MAD2L1BP: variants seen among roughly 807,000 people sequenced by gnomAD.
MAD2L1BP encodes the protein MAD2L1 binding protein.
In MAD2L1BP, 22 loss-of-function variants were observed where a neutral mutation model predicts 28.4. The ratio of observed to expected loss-of-function variants is 0.77; its 90% CI spans 0.55 to 1.10. The LOEUF (loss-of-function observed/expected upper bound fraction) is 1.10. MAD2L1BP is among the 50% of genes least tolerant of loss of function. The pLI, the probability that MAD2L1BP is intolerant of heterozygous loss-of-function variation, is 0.00. For missense variants in MAD2L1BP, 325 were observed against 350.5 expected (o/e 0.93, Z 0.58); for synonymous variants, 146 against 133.7 (o/e 1.09, Z -0.63).
At chr6:43,632,784 G>C (rs1240350353), upstream of MAD2L1BP, among the ~76,000 whole-genome samples, 1 of 151,580 alleles carries the variant, frequency 6.6e-6, no homozygotes, top group African/African-American at 2.4e-5. Context: ...ACTTTGGGAG[G>C]CTGAGGCAGG....
intron 2 of MAD2L1BP, among the ~76,000 whole-genome samples, chr6:43,637,493 G>A (rs113965832): frequency 0.015 from 2,172 of 140,366 alleles, 47 homozygotes; most frequent in African/African-American, 0.052. Context: ...TGGCATGATC[G>A]CAGCTCACTG....
At chr6:43,636,065 T>G in intron 1 of MAD2L1BP, 144 bp downstream of exon 1, 1 of 870,276 alleles carries the variant, frequency 1.1e-6, no homozygotes, top group Admixed American at 2.8e-5. Flanking sequence ...TGGCTGTGAC[T>G]CCATCGCCCT....
At chr6:43,639,605 T>C (rs1770455194) in intron 2 of MAD2L1BP, among the ~76,000 whole-genome samples, 5 of 152,216 alleles carry the variant, frequency 3.3e-5, no homozygotes, top group African/African-American at 9.7e-5. Flanking sequence ...CAGGTGGAAG[T>C]GCAAATAAGC....
upstream of MAD2L1BP, chr6:43,633,259 GC>G (rs1327983322): frequency 5.1e-6 from 2 of 394,636 alleles, no homozygotes; most frequent in Non-Finnish European, 9.8e-6. Flanking sequence ...CACAACTTCC[GC>G]CTCCCAGGTT....
At chr6:43,632,145 C>G (rs1769959249), upstream of MAD2L1BP, among the ~76,000 whole-genome samples, 1 of 151,562 alleles carries the variant, frequency 6.6e-6, no homozygotes, top group South Asian at 2.1e-4. Flanking sequence ...GTTGATCCGC[C>G]TGCCTTGGCC....
At chr6:43,637,185 C>G (rs758286382) in intron 2 of MAD2L1BP, among the ~76,000 whole-genome samples, 7 of 152,180 alleles carry the variant, frequency 4.6e-5, no homozygotes, top group Non-Finnish European at 1.0e-4. Context: ...ATGCCTCAGC[C>G]TCCCCAGTAG....
upstream of MAD2L1BP, chr6:43,633,264 C>T (rs748964040): frequency 1.7e-5 from 7 of 408,160 alleles, no homozygotes; most frequent in Non-Finnish European, 2.4e-5. Context: ...CTTCCGCCTC[C>T]CAGGTTCAAG....
At chr6:43,638,016 A>T (rs1770343316) in intron 2 of MAD2L1BP, among the ~76,000 whole-genome samples, 1 of 152,158 alleles carries the variant, frequency 6.6e-6, no homozygotes, top group Admixed American at 6.5e-5. Context: ...CTCCTGCCTC[A>T]GCCTCGAAGT....
In MAD2L1BP at chr6:43,640,319, A is replaced by C. The variant is rs1321806671; in HGVS notation, c.611A>C (p.Gln204Pro). ...ATGGCTGATGCCTTTAGCGAGCTTC[A>C]GGCTCCTCCACTCATGGGCACCGTC... ...IFMADAFSELQAPPLMGTVVM... is the reference protein window; with the variant it reads ...IFMADAFSELPAPPLMGTVVM... Residue 204 changes from glutamine to proline, a missense_variant, in exon 3 of 3, where the codon CAG becomes CCG. Gln to Pro is a moderately conservative substitution (Grantham distance 76, BLOSUM62 -1). Coordinates refer to ENST00000372171, the MANE Select transcript of MAD2L1BP (RefSeq NM_014628.3). 1.9e-6 allele frequency: 3 copies of C among 1,613,398 alleles called. No individual in the cohort carries two copies. Among genetic ancestry groups the C allele is most frequent in the Non-Finnish European group, 2.5e-6 (3 of 1,179,712 alleles).
In MAD2L1BP at chr6:43,640,615, C is replaced by A; in HGVS notation, c.*82C>A. The A allele has an allele frequency of 2.1e-6, 3 of 1,440,110 alleles. No homozygotes were observed. The highest frequency in any genetic ancestry group is 2.8e-6 in the Non-Finnish European group (3 of 1,080,772). The allele number at this position is 1,440,110 out of a possible 1,614,324, so 89.2% of individuals were successfully genotyped here. A position where few individuals can be genotyped will look rare whatever the true frequency, so the allele number is the denominator to read the frequency against. On this transcript the variant is annotated 3_prime_UTR_variant, in exon 3 of 3. Coordinates refer to ENST00000372171, the MANE Select transcript of MAD2L1BP (RefSeq NM_014628.3). Reference sequence around the variant, plus strand: ...GCTGAATCACCCATCTGGTTTGGAGCTAGAGTTGCTTCCTGGTGAGAGAGG... The same window carrying A: ...GCTGAATCACCCATCTGGTTTGGAGATAGAGTTGCTTCCTGGTGAGAGAGG...
intron 2 of MAD2L1BP, among the ~76,000 whole-genome samples, chr6:43,637,595 TTTTG>T (rs1232270174): frequency 9.3e-5 from 14 of 151,314 alleles, no homozygotes; most frequent in East Asian, 5.9e-4. Flanking sequence ...CCAGCTAATT[TTTTG>T]TTTGTTTGTT....
rs1322781871 is a variant in MAD2L1BP, at chr6:43,640,338, C to A, written c.630C>A (p.Gly210=). 7 of 1,613,762 alleles carry A rather than the reference C, an allele frequency of 4.3e-6. No individual in the cohort carries two copies. Among genetic ancestry groups the A allele is most frequent in the Non-Finnish European group, 5.9e-6 (7 of 1,179,864 alleles). Residue 210 remains glycine (G), a synonymous_variant, in exon 3 of 3, where the codon GGC becomes GGA. Transcript: ENST00000372171. The part of the protein sequence containing the change: ...FSELQAPPLM[G]TVVMAQGHRN... ...AGCTTCAGGCTCCTCCACTCATGGGCACCGTCGTCATGGCACAGGGACACC... is the reference window on the plus strand; with the variant it reads ...AGCTTCAGGCTCCTCCACTCATGGGAACCGTCGTCATGGCACAGGGACACC...
upstream of MAD2L1BP, chr6:43,635,817 C>G: frequency 2.1e-6 from 3 of 1,429,648 alleles, no homozygotes; most frequent in Non-Finnish European, 1.8e-6. Context: ...CGCGGGCTTC[C>G]CATGATGCCC....
At chr6:43,634,617 G>A (rs1770099954), upstream of MAD2L1BP, among the ~76,000 whole-genome samples, 1 of 151,914 alleles carries the variant, frequency 6.6e-6, no homozygotes, top group South Asian at 2.1e-4. Context: ...CTGGAGTATA[G>A]TGGTGCGATC....
chr6:43,639,949 C>T, intron 2 of MAD2L1BP, 72 bp from the exon 3 acceptor site: 1 of 1,392,008 alleles, frequency 7.2e-7, no homozygotes, highest in Non-Finnish European at 9.7e-7. Context: ...CACATCCCAG[C>T]AGGGTTCTTT....
intron 2 of MAD2L1BP, among the ~76,000 whole-genome samples, chr6:43,639,301 G>A (rs571976378): frequency 3.0e-3 from 462 of 152,086 alleles, no homozygotes; most frequent in Non-Finnish European, 5.5e-3. Context: ...CACCACACTC[G>A]GCTAATTTTT....
chr6:43,636,689 G>A, intron 2 of MAD2L1BP, 43 bp downstream of exon 2: 1 of 1,595,732 alleles, frequency 6.3e-7, no homozygotes, highest in Non-Finnish European at 8.6e-7. Flanking sequence ...AAGACTTTGT[G>A]GCTCTTAGAT....
chr6:43,634,215 T>C (rs1770072914), upstream of MAD2L1BP, among the ~76,000 whole-genome samples: 1 of 140,176 alleles, frequency 7.1e-6, no homozygotes, highest in African/African-American at 3.1e-5. Context: ...TTTTTTTCTT[T>C]TTTTCTTTTT....
In MAD2L1BP at chr6:43,640,272, C is replaced by T; in HGVS notation, c.564C>T (p.Arg188=). 1 of 1,613,526 alleles carries T rather than the reference C, an allele frequency of 6.2e-7. No individual in the cohort carries two copies. The highest frequency in any genetic ancestry group is 8.5e-7 in the Non-Finnish European group (1 of 1,179,816). The change falls in exon 3 of 3, where the codon CGC becomes CGT. Residue 188 remains arginine, a synonymous_variant. Coordinates refer to ENST00000372171, the MANE Select transcript of MAD2L1BP (RefSeq NM_014628.3). ...GCCTGAGCACAGCAGCTTGTTTGCGCCGTCTCTTCCGAGCCATATTCATGG... is the reference window on the plus strand; with the variant it reads ...GCCTGAGCACAGCAGCTTGTTTGCGTCGTCTCTTCCGAGCCATATTCATGG... ...DQSLSTAACL[R]RLFRAIFMAD... is the part of the protein sequence containing the mutation.
Sources: allele counts gnomAD v4.1 joint callset (sites outside exome capture counted in the v4.1 genomes callset), GRCh38; gene constraint gnomAD v4.1.1; transcripts MANE v1.5; gene names NCBI Gene and HGNC (gene_info 2026-07-23, HGNC 2026-07-21).